The following CSMD3 variants were observed in gnomAD, a reference collection of about 807,000 sequenced individuals.
CSMD3 encodes the protein CUB and sushi domain-containing protein 3.
CSMD3 carries 177 observed loss-of-function variants against 435.2 expected under a neutral mutation model. The ratio of observed to expected loss-of-function variants is 0.41; its 90% confidence interval spans 0.36 to 0.46. CSMD3 has a LOEUF of 0.46. Among genes scored for constraint, CSMD3 ranks in the 20% least tolerant of loss-of-function variants. The pLI is 0.34. For missense variants in CSMD3, 4,265 were observed against 4,504.6 expected, an observed-to-expected ratio of 0.95 and a Z score of 1.52; for synonymous variants, 1,656 against 1,520.5, an observed-to-expected ratio of 1.09 and a Z score of -2.07.
intron 7 of CSMD3, among the ~76,000 whole-genome samples, chr8:112,957,585 C>G (rs1057477680): frequency 2.0e-5 from 3 of 151,336 alleles, no homozygotes; most frequent in Admixed American, 6.6e-5. Context: ...CCTCGAGTAG[C>G]TGGGATTACA....
At chr8:113,038,093 A>C (rs1388344589) in intron 5 of CSMD3, among the ~76,000 whole-genome samples, 1 of 152,172 alleles carries the variant, frequency 6.6e-6, no homozygotes, top group Non-Finnish European at 1.5e-5. Flanking sequence ...GCAGACAATT[A>C]GGCAGAAAAT....
intron 5 of CSMD3, among the ~76,000 whole-genome samples, chr8:113,071,576 T>C (rs534626064): frequency 6.6e-6 from 1 of 152,100 alleles, no homozygotes; most frequent in Non-Finnish European, 1.5e-5. Context: ...GATATTTCTT[T>C]CCCCATTGTG....
intron 10 of CSMD3, among the ~76,000 whole-genome samples, chr8:112,885,842 T>C (rs564816091): frequency 1.3e-5 from 2 of 151,748 alleles, no homozygotes; most frequent in African/African-American, 2.4e-5. Flanking sequence ...CAATGAAGAG[T>C]TCACTATCTG....
intron 1 of CSMD3, among the ~76,000 whole-genome samples, chr8:113,388,645 C>A (rs886614929): frequency 6.6e-6 from 1 of 151,430 alleles, no homozygotes; most frequent in African/African-American, 2.4e-5. Context: ...TTACAAGAGA[C>A]CACCAAGCTA....
intron 2 of CSMD3, among the ~76,000 whole-genome samples, chr8:113,296,291 T>TATAATAATAAGA (rs2093721135): frequency 6.8e-6 from 1 of 146,228 alleles, no homozygotes; most frequent in Non-Finnish European, 1.5e-5. Flanking sequence ...GAACTTAAAG[T>TATAATAATAAGA]ATAATAATAA....
At chr8:112,944,540 G>A (rs1305757554) in intron 9 of CSMD3, among the ~76,000 whole-genome samples, 1 of 151,676 alleles carries the variant, frequency 6.6e-6, no homozygotes, top group Non-Finnish European at 1.5e-5. Flanking sequence ...TATTTCAGTA[G>A]TTTATATAAC....
chr8:112,968,176 T>C (rs1475783971), intron 7 of CSMD3, among the ~76,000 whole-genome samples: 3 of 151,954 alleles, frequency 2.0e-5, no homozygotes, highest in South Asian at 4.1e-4. Flanking sequence ...GATGGTAGCA[T>C]TGGCCACTTC....
chr8:112,656,295 G>A lies in CSMD3; in HGVS notation c.2863C>T (p.Pro955Ser), dbSNP rs1399782260. 1.2e-6 allele frequency: 2 copies of A among 1,613,372 alleles called. No homozygotes were observed. The highest frequency in any genetic ancestry group is 1.7e-6 in the Non-Finnish European group (2 of 1,179,638). Residue 955 changes from proline to serine, a missense_variant, in exon 18 of 71, where the codon CCA (proline) becomes TCA (serine). Physicochemically the swap from Pro to Ser is moderately conservative, Grantham distance 74 (BLOSUM62 -1). Coordinates refer to ENST00000297405, the MANE Select transcript of CSMD3 (RefSeq NM_198123.2). ...CCAAGCAAGGGTGACAGAAGATTTG[G>A]CCCATCATGAACTTCCAGAACATCA... is the stretch of plus-strand genomic sequence containing the variant. ...NYDVLEVHDGPNLLSPLLGSY... is the reference protein window; with the variant it reads ...NYDVLEVHDGSNLLSPLLGSY...
intron 11 of CSMD3, among the ~76,000 whole-genome samples, chr8:112,844,672 T>C (rs2080268792): frequency 6.6e-6 from 1 of 151,904 alleles, no homozygotes; most frequent in African/African-American, 2.4e-5. Context: ...CTCTGAGAAA[T>C]TTCTGGATCA....
intron 4 of CSMD3, among the ~76,000 whole-genome samples, chr8:113,153,121 GAAAGAGAAA>G (rs2091856675): frequency 4.5e-5 from 4 of 89,224 alleles, no homozygotes; most frequent in East Asian, 3.3e-4. Context: ...AAGAAAGAAA[GAAAGAGAAA>G]GAAGGAAGGA....
chr8:112,500,109 C>CA lies in CSMD3; in HGVS notation c.5083+3680dup, dbSNP rs201546221. 9.0e-3 allele frequency among the ~76,000 whole-genome samples: 1,293 copies of CA among 144,460 alleles called. 24 individuals carry two copies. The highest frequency in any genetic ancestry group is 0.03 in the African/African-American group (1,182 of 39,366). 94.8% of individuals were successfully genotyped at this position (144,460 alleles called of 152,430 possible). On this transcript the variant is annotated intron_variant, in intron 30 of 70. Coordinates refer to ENST00000297405, the MANE Select transcript of CSMD3 (RefSeq NM_198123.2). ...GGGCAACACAGCGATACTCTGTCTC[C>CA]AAAAAAAAACAAAAGCAGTATTTAT...
intron 5 of CSMD3, among the ~76,000 whole-genome samples, chr8:113,046,605 A>G (rs983016935): frequency 6.6e-6 from 1 of 152,126 alleles, no homozygotes; most frequent in Non-Finnish European, 1.5e-5. Context: ...TTCTCCACCA[A>G]CAACCTATAT....
chr8:112,712,455 A>G (rs909775353), intron 13 of CSMD3, among the ~76,000 whole-genome samples: 2 of 152,146 alleles, frequency 1.3e-5, no homozygotes, highest in African/African-American at 4.8e-5. Flanking sequence ...GGTTATACAC[A>G]GGGTTGGATT....
chr8:113,057,388 T>C (rs2088389760), intron 5 of CSMD3, among the ~76,000 whole-genome samples: 1 of 152,150 alleles, frequency 6.6e-6, no homozygotes, highest in Non-Finnish European at 1.5e-5. Flanking sequence ...AAAGAATGTT[T>C]AGTATCAATT....
intron 5 of CSMD3, among the ~76,000 whole-genome samples, chr8:113,097,262 T>C (rs887903259): frequency 1.3e-5 from 2 of 152,074 alleles, no homozygotes; most frequent in African/African-American, 4.8e-5. Context: ...TAATTTTGAT[T>C]TTTACTAGAA....
At chr8:112,469,361 T>C (rs1818293542) in intron 32 of CSMD3, among the ~76,000 whole-genome samples, 1 of 152,128 alleles carries the variant, frequency 6.6e-6, no homozygotes, top group Non-Finnish European at 1.5e-5. Flanking sequence ...TTTATTTTCA[T>C]GTGTAATGTT....
chr8:112,468,484 A>G (rs1818196026), intron 32 of CSMD3, among the ~76,000 whole-genome samples: 1 of 152,058 alleles, frequency 6.6e-6, no homozygotes, highest in Non-Finnish European at 1.5e-5. Context: ...AAATTTTACT[A>G]ATTCCTCCCT....
intron 13 of CSMD3, among the ~76,000 whole-genome samples, chr8:112,772,976 T>C (rs1298837364): frequency 6.6e-6 from 1 of 151,988 alleles, no homozygotes; most frequent in Non-Finnish European, 1.5e-5. Context: ...CAATAAATAC[T>C]AAGGGAACTC....
chr8:113,087,978 T>TC (rs2089861172), intron 5 of CSMD3, among the ~76,000 whole-genome samples: 1 of 149,678 alleles, frequency 6.7e-6, no homozygotes, highest in South Asian at 2.1e-4. Flanking sequence ...AGGGCTAATA[T>TC]CCAGAATCTA....
Sources: gnomAD v4.1 joint callset for allele counts (sites outside exome capture counted in the v4.1 genomes callset) on GRCh38, gnomAD v4.1.1 for gene constraint, MANE v1.5 for transcripts, NCBI Gene and HGNC (gene_info 2026-07-23, HGNC 2026-07-21) for gene names.